The following CDH12 variants were observed in gnomAD, a reference collection of about 807,000 sequenced individuals.
CDH12 encodes the protein cadherin 12.
Under a neutral mutation model 74.1 loss-of-function variants are expected in CDH12, and 41 were observed. The ratio of observed to expected loss-of-function variants is 0.55; its 90% CI spans 0.43 to 0.72. The LOEUF (loss-of-function observed/expected upper bound fraction) is 0.72. Ranked by LOEUF, CDH12 falls within the 30% of genes least tolerant of loss-of-function variation. The pLI is 0.00. For synonymous variants in CDH12, 399 were observed against 355.0 expected, an observed-to-expected ratio of 1.12 and a Z score of -1.39; for missense variants, 945 against 977.2, an observed-to-expected ratio of 0.97 and a Z score of 0.44.
At chr5:22,590,140 T>TTTGG (rs1561512686) in intron 1 of CDH12, among the ~76,000 whole-genome samples, 2 of 152,188 alleles carry the variant, frequency 1.3e-5, no homozygotes, top group Non-Finnish European at 2.9e-5. Context: ...TTTTGGATAA[T>TTTGG]GTACCTAAAT....
intron 2 of CDH12, among the ~76,000 whole-genome samples, chr5:22,498,760 G>A (rs1181693196): frequency 2.0e-5 from 3 of 151,438 alleles, no homozygotes; most frequent in Non-Finnish European, 2.9e-5. Flanking sequence ...TAATATGATG[G>A]TGAGACACAT....
intron 6 of CDH12, among the ~76,000 whole-genome samples, chr5:21,898,810 C>T (rs1364852001): frequency 6.6e-6 from 1 of 151,876 alleles, no homozygotes. Flanking sequence ...AGGAGTCAAG[C>T]TGAATGGAGA....
At chr5:22,795,629 C>T (rs977219463) in intron 1 of CDH12, among the ~76,000 whole-genome samples, 3 of 151,196 alleles carry the variant, frequency 2.0e-5, no homozygotes, top group African/African-American at 7.3e-5. Context: ...CTCATCTTGG[C>T]TCTGCTTGCA....
chr5:22,175,460 T>G (rs1241928495), intron 4 of CDH12, among the ~76,000 whole-genome samples: 2 of 152,040 alleles, frequency 1.3e-5, no homozygotes, highest in African/African-American at 4.8e-5. Flanking sequence ...TTGGAAAACT[T>G]GAGAATGAAA....
chr5:22,577,648 T>A (rs989553305), intron 1 of CDH12, among the ~76,000 whole-genome samples: 1 of 152,160 alleles, frequency 6.6e-6, no homozygotes, highest in Non-Finnish European at 1.5e-5. Flanking sequence ...GAGAATGAGA[T>A]TGTATCTTCA....
At chr5:22,815,063 A>G (rs1168272019) in intron 1 of CDH12, among the ~76,000 whole-genome samples, 1 of 152,222 alleles carries the variant, frequency 6.6e-6, no homozygotes, top group African/African-American at 2.4e-5. Flanking sequence ...AGAGGGTTCA[A>G]CTTTTGCCTA....
chr5:22,112,035 T>C (rs1054106430), intron 4 of CDH12, among the ~76,000 whole-genome samples: 5 of 152,188 alleles, frequency 3.3e-5, no homozygotes, highest in African/African-American at 9.6e-5. Context: ...AATATGAATG[T>C]ATTTAGAAAT....
intron 3 of CDH12, among the ~76,000 whole-genome samples, chr5:22,220,228 G>A (rs995757413): frequency 5.3e-5 from 8 of 151,734 alleles, no homozygotes; most frequent in Non-Finnish European, 1.0e-4. Context: ...GTATGTGTGT[G>A]TGCATGTACA....
intron 1 of CDH12, among the ~76,000 whole-genome samples, chr5:22,815,273 G>A (rs1749331322): frequency 1.3e-5 from 2 of 152,128 alleles, no homozygotes; most frequent in African/African-American, 4.8e-5. Flanking sequence ...AAGTTAAGTG[G>A]ATTATTCTTT....
At chr5:21,767,787 G>A (rs13355151) in intron 11 of CDH12, among the ~76,000 whole-genome samples, 5 of 151,466 alleles carry the variant, frequency 3.3e-5, no homozygotes, top group South Asian at 2.1e-4. Context: ...CATTAAGAAC[G>A]TCACCTAATA....
intron 8 of CDH12, among the ~76,000 whole-genome samples, chr5:21,839,083 C>G (rs1749697641): frequency 6.6e-6 from 1 of 152,140 alleles, no homozygotes; most frequent in Admixed American, 6.5e-5. Flanking sequence ...TATGTACAAG[C>G]AGTCTCCCAA....
intron 6 of CDH12, among the ~76,000 whole-genome samples, chr5:21,865,288 G>T (rs777227234): frequency 6.6e-6 from 1 of 152,132 alleles, no homozygotes; most frequent in Non-Finnish European, 1.5e-5. Context: ...TAAAATTTTT[G>T]AGTATTTTAG....
At chr5:22,039,509 T>A (rs1739424599) in intron 5 of CDH12, among the ~76,000 whole-genome samples, 1 of 152,036 alleles carries the variant, frequency 6.6e-6, no homozygotes. Context: ...TACATCCTAG[T>A]ACCTAATGCC....
At chr5:22,149,492 A>G (rs1178860463) in intron 4 of CDH12, among the ~76,000 whole-genome samples, 2 of 152,066 alleles carry the variant, frequency 1.3e-5, no homozygotes, top group Non-Finnish European at 2.9e-5. Flanking sequence ...TTTTAAGAAA[A>G]TCTCCCAAAT....
chr5:22,024,576 G>A (rs1483524866), intron 5 of CDH12, among the ~76,000 whole-genome samples: 1 of 152,066 alleles, frequency 6.6e-6, no homozygotes, highest in Non-Finnish European at 1.5e-5. Flanking sequence ...ACAGTGGTGT[G>A]ATCTCAGTTC....
chr5:22,852,377 AT>A (rs1737597735), intron 1 of CDH12, among the ~76,000 whole-genome samples: 1 of 152,240 alleles, frequency 6.6e-6, no homozygotes, highest in East Asian at 1.9e-4. Context: ...ATTATGTCCT[AT>A]ATCACACATA....
At chr5:22,421,208 C>T (rs1743638258) in intron 2 of CDH12, among the ~76,000 whole-genome samples, 1 of 151,974 alleles carries the variant, frequency 6.6e-6, no homozygotes, top group Non-Finnish European at 1.5e-5. Context: ...TTTTATTATA[C>T]TTTAAGTTCT....
intron 9 of CDH12, among the ~76,000 whole-genome samples, chr5:21,809,553 T>G (rs1747631580): frequency 6.6e-6 from 1 of 152,156 alleles, no homozygotes. Context: ...AAAATTATCT[T>G]CCTTCTTTGA....
intron 6 of CDH12, among the ~76,000 whole-genome samples, chr5:21,916,826 T>G (rs13184902): frequency 0.74 from 112,670 of 152,056 alleles, 44,314 homozygotes; most frequent in East Asian, 0.93. Context: ...AGGCATTTTG[T>G]CTCATTCTCT....
Sources: gnomAD v4.1 joint callset for allele counts (sites outside exome capture counted in the v4.1 genomes callset) on GRCh38, gnomAD v4.1.1 for gene constraint, MANE v1.5 for transcripts, NCBI Gene and HGNC (gene_info 2026-07-23, HGNC 2026-07-21) for gene names.